PINX1: variants seen among roughly 807,000 people sequenced by gnomAD.
PINX1 encodes PIN2/TERF1-interacting telomerase inhibitor 1.
A neutral mutation model predicts 25.4 loss-of-function variants in PINX1; 34 were observed. The ratio of observed to expected loss-of-function variants is 1.34; its 90% confidence interval spans 1.02 to 1.78. The LOEUF is 1.78. Ranked by LOEUF, PINX1 falls within the 40% of genes most tolerant of loss-of-function variation. The pLI is 0.00. For missense variants in PINX1, 592 were observed against 404.9 expected (o/e 1.46, Z -3.97); for synonymous variants, 197 against 147.7 (o/e 1.33, Z -2.42).
intron 6 of PINX1, among the ~76,000 whole-genome samples, chr8:10,819,513 TA>T (rs758496455): frequency 2.6e-5 from 4 of 152,242 alleles, no homozygotes; most frequent in Non-Finnish European, 5.9e-5. Flanking sequence ...TCCATAATCC[TA>T]ATATATCTCA....
At chr8:10,802,931 C>A (rs1802315840) in intron 6 of PINX1, among the ~76,000 whole-genome samples, 1 of 152,136 alleles carries the variant, frequency 6.6e-6, no homozygotes, top group African/African-American at 2.4e-5. Context: ...AAGAAATAAA[C>A]TAGGACATAT....
intron 6 of PINX1, among the ~76,000 whole-genome samples, chr8:10,789,393 A>G (rs567039971): frequency 6.6e-6 from 1 of 152,356 alleles, no homozygotes; most frequent in South Asian, 2.1e-4. Context: ...CAAGCTAATT[A>G]ACACATGCAT....
At chr8:10,806,423 G>A (rs1802454556) in intron 6 of PINX1, among the ~76,000 whole-genome samples, 1 of 151,304 alleles carries the variant, frequency 6.6e-6, no homozygotes, top group Non-Finnish European at 1.5e-5. Flanking sequence ...TTCTGTTTGT[G>A]TTTTAAAATG....
At position 10,808,613 on chromosome 8, in the gene PINX1, G is replaced by T. The variant is rs563192262; in HGVS notation, c.471+11580C>A. Among the ~76,000 whole-genome samples, 20 of 152,314 alleles carry T rather than the reference G, an allele frequency of 1.3e-4. No individual in the cohort carries two copies. The South Asian group carries it at 3.9e-3, about 30-fold the overall frequency. On this transcript the variant is annotated intron_variant, in intron 6 of 6. Coordinates refer to ENST00000314787, the MANE Select transcript of PINX1 (RefSeq NM_017884.6). The stretch of plus-strand genomic sequence containing the variant: ...TTAAAGTACAGAGAGGTTACATAGC[G>T]TGTCCAGTAGCGCAGTGCTAGCAAC...
At chr8:10,769,304 G>A (rs768748008) in intron 6 of PINX1, among the ~76,000 whole-genome samples, 5 of 152,124 alleles carry the variant, frequency 3.3e-5, no homozygotes, top group East Asian at 1.9e-4. Flanking sequence ...AGCAGGACTG[G>A]CCTAGTCTGT....
intron 6 of PINX1, among the ~76,000 whole-genome samples, chr8:10,789,279 T>C (rs184127753): frequency 3.3e-5 from 5 of 152,336 alleles, no homozygotes; most frequent in African/African-American, 1.2e-4. Flanking sequence ...GCATCCTTTT[T>C]TTCCAGATGT....
intron 6 of PINX1, among the ~76,000 whole-genome samples, chr8:10,770,537 G>C (rs757455472): frequency 6.6e-6 from 1 of 152,224 alleles, no homozygotes; most frequent in Non-Finnish European, 1.5e-5. Context: ...TGGAGACTCT[G>C]CAGCTACATG....
intron 6 of PINX1, among the ~76,000 whole-genome samples, chr8:10,816,490 T>C (rs535750826): frequency 7.2e-5 from 11 of 152,346 alleles, no homozygotes; most frequent in African/African-American, 2.6e-4. Flanking sequence ...TCTTTCTTAA[T>C]TCAGCCTCCA....
chr8:10,816,433 G>A (rs1388243220), intron 6 of PINX1, among the ~76,000 whole-genome samples: 1 of 152,152 alleles, frequency 6.6e-6, no homozygotes, highest in Non-Finnish European at 1.5e-5. Flanking sequence ...ATAGAGAGAC[G>A]AAAAAATACA....
In PINX1 at chr8:10,812,497, A is replaced by G. The variant is rs1046656744; in HGVS notation, c.471+7696T>C. 1.1e-4 allele frequency among the ~76,000 whole-genome samples: 16 copies of G among 152,234 alleles called. 1 individual carries two copies. The highest frequency in any genetic ancestry group is 3.9e-4 in the African/African-American group (16 of 41,476). Reference sequence around the variant, plus strand: ...TCCCAAGGAGACGTGCACTGTGGCCAGCAGCTCTGCCAGCCCATGCAGGCT... The same window carrying G: ...TCCCAAGGAGACGTGCACTGTGGCCGGCAGCTCTGCCAGCCCATGCAGGCT... On this transcript the variant is annotated intron_variant, in intron 6 of 6. Transcript: ENST00000314787.
intron 6 of PINX1, among the ~76,000 whole-genome samples, chr8:10,809,216 G>C (rs1253271346): frequency 6.6e-6 from 1 of 152,190 alleles, no homozygotes; most frequent in Non-Finnish European, 1.5e-5. Flanking sequence ...GCTCCCTTCA[G>C]TTCCCCTTCA....
chr8:10,823,315 C>G (rs1043910916), intron 5 of PINX1, among the ~76,000 whole-genome samples: 2 of 152,120 alleles, frequency 1.3e-5, no homozygotes, highest in Non-Finnish European at 2.9e-5. Flanking sequence ...AAGAAGTCTG[C>G]AAGATTCCCA....
chr8:10,766,742 G>A (rs1356313176), intron 6 of PINX1, among the ~76,000 whole-genome samples: 2 of 152,218 alleles, frequency 1.3e-5, no homozygotes, highest in African/African-American at 4.8e-5. Flanking sequence ...ATATCTCATT[G>A]TCAGGTAATA....
intron 6 of PINX1, among the ~76,000 whole-genome samples, chr8:10,811,761 G>A (rs1797528822): frequency 6.6e-6 from 1 of 152,132 alleles, no homozygotes; most frequent in Non-Finnish European, 1.5e-5. Flanking sequence ...TGGGGCTCGG[G>A]GCAGCTGGAC....
At chr8:10,791,070 A>G (rs1408313040) in intron 6 of PINX1, among the ~76,000 whole-genome samples, 2 of 151,810 alleles carry the variant, frequency 1.3e-5, no homozygotes, top group Non-Finnish European at 2.9e-5. Flanking sequence ...GCACCACCAC[A>G]CCTGGCTAAT....
intron 5 of PINX1, among the ~76,000 whole-genome samples, chr8:10,823,476 C>T (rs1797938509): frequency 6.6e-6 from 1 of 151,888 alleles, no homozygotes; most frequent in Non-Finnish European, 1.5e-5. Flanking sequence ...GACATTTTCC[C>T]CTCTGCAGAT....
intron 6 of PINX1, among the ~76,000 whole-genome samples, chr8:10,769,982 GA>G (rs1184828008): frequency 6.6e-6 from 1 of 152,072 alleles, no homozygotes; most frequent in Non-Finnish European, 1.5e-5. Flanking sequence ...TTTCAAAAGA[GA>G]AAAAAACTAC....
At chr8:10,813,249 G>C (rs987944690) in intron 6 of PINX1, among the ~76,000 whole-genome samples, 1 of 152,164 alleles carries the variant, frequency 6.6e-6, no homozygotes, top group Non-Finnish European at 1.5e-5. Context: ...AGAGCGATAG[G>C]TGCAGGAAGG....
At chr8:10,774,053 AG>A (rs1303338257) in intron 6 of PINX1, among the ~76,000 whole-genome samples, 1 of 152,196 alleles carries the variant, frequency 6.6e-6, no homozygotes, top group Non-Finnish European at 1.5e-5. Flanking sequence ...TGCTCTCCAG[AG>A]GCAGGACAAA....
Sources: gnomAD v4.1 joint callset for allele counts (sites outside exome capture counted in the v4.1 genomes callset) on GRCh38, gnomAD v4.1.1 for gene constraint, MANE v1.5 for transcripts, NCBI Gene and HGNC (gene_info 2026-07-23, HGNC 2026-07-21) for gene names.